IGF2R: variants seen among roughly 807,000 people sequenced by gnomAD.
IGF2R encodes cation-independent mannose-6-phosphate receptor.
IGF2R carries 91 observed loss-of-function variants against 270.6 expected under a neutral mutation model. That is an observed-to-expected ratio of 0.34 (90% CI 0.28 to 0.40). The LOEUF is 0.40. Ranked by LOEUF, IGF2R falls within the 10% of genes least tolerant of loss-of-function variation. IGF2R has a pLI of 1.00. For synonymous variants in IGF2R, 1,316 were observed against 1,258.9 expected (o/e 1.05, Z -0.96); for missense variants, 2,805 against 3,188.3 (o/e 0.88, Z 2.90).
At chr6:160,031,620 C>T (rs1016610747) in intron 7 of IGF2R, among the ~76,000 whole-genome samples, 2 of 152,154 alleles carry the variant, frequency 1.3e-5, no homozygotes, top group Non-Finnish European at 2.9e-5. Flanking sequence ...CTGGGGTCTG[C>T]ATCACCATGT....
chr6:160,096,436 C>G lies in IGF2R; in HGVS notation c.6656-3C>G. On this transcript the variant is annotated splice_region_variant and splice_polypyrimidine_tract_variant and intron_variant, in intron 44 of 47. Coordinates refer to ENST00000356956, the MANE Select transcript of IGF2R (RefSeq NM_000876.4). ...TGCCATGTGTGCCCTTCCCGTTTGA[C>G]AGACGGCGATCTCGATGTCGTGTTT... The G allele has an allele frequency of 6.2e-7, 1 of 1,608,140 alleles. No individual in the cohort carries two copies. The highest frequency in any genetic ancestry group is 8.5e-7 in the Non-Finnish European group (1 of 1,176,172).
At chr6:160,008,374 C>T (rs1245751710) in intron 2 of IGF2R, among the ~76,000 whole-genome samples, 2 of 152,162 alleles carry the variant, frequency 1.3e-5, no homozygotes, top group African/African-American at 2.4e-5. Context: ...TCTCTGTGCT[C>T]TCTCTTCTAG....
At chr6:160,046,130 A>G (rs1343505777) in intron 14 of IGF2R, among the ~76,000 whole-genome samples, 2 of 152,230 alleles carry the variant, frequency 1.3e-5, no homozygotes, top group Admixed American at 6.5e-5. Context: ...ATTATGTTTG[A>G]AAAGGCTTTC....
chr6:160,030,649 T>C (rs1777674988), intron 7 of IGF2R, among the ~76,000 whole-genome samples: 1 of 151,286 alleles, frequency 6.6e-6, no homozygotes, highest in African/African-American at 2.4e-5. Flanking sequence ...CAGGCGGTAG[T>C]GGTTTTAGTG....
chr6:160,058,168 G>A, intron 21 of IGF2R, 44 bp downstream of exon 21: 2 of 1,308,668 alleles, frequency 1.5e-6, no homozygotes, highest in South Asian at 2.4e-5. Context: ...TGAAACAGGG[G>A]GAGAGTGCAT....
At position 160,084,498 on chromosome 6, in the gene IGF2R, C is replaced by T. The variant is rs115628958; in HGVS notation, c.6068+314C>T. ...TGTGTGTAGCTCAGGTTGTGGGAGGCGTGTGGGTTTTCTCGGGTCTTTGGC... is the reference window on the plus strand; with the variant it reads ...TGTGTGTAGCTCAGGTTGTGGGAGGTGTGTGGGTTTTCTCGGGTCTTTGGC... On this transcript the variant is annotated intron_variant, in intron 40 of 47. Coordinates refer to ENST00000356956, the MANE Select transcript of IGF2R (RefSeq NM_000876.4). This position sits in a 1 kb window ranked among gnomAD's most constrained non-coding sequence, Gnocchi z 4.6. Among the ~76,000 whole-genome samples the T allele has an allele frequency of 2.0e-5, 3 of 152,164 alleles. No homozygotes were observed. Among genetic ancestry groups the T allele is most frequent in the African/African-American group, 4.8e-5 (2 of 41,506 alleles).
intron 1 of IGF2R, 117 bp from the exon 2 acceptor site, chr6:159,991,067 A>G: frequency 2.0e-6 from 2 of 981,004 alleles, no homozygotes; most frequent in Non-Finnish European, 3.0e-6. Flanking sequence ...TTGGCTAAGG[A>G]AAGTGTATTT....
intron 1 of IGF2R, among the ~76,000 whole-genome samples, chr6:159,974,366 C>A (rs148455229): frequency 6.6e-6 from 1 of 152,166 alleles, no homozygotes; most frequent in Non-Finnish European, 1.5e-5. Context: ...CCTTTTACCC[C>A]TTAAAAATTG....
In IGF2R at chr6:160,073,310, C is replaced by A. The variant is rs758231164; in HGVS notation, c.4788C>A (p.Ser1596=). 13 of 1,614,242 alleles carry A rather than the reference C, an allele frequency of 8.1e-6. No homozygotes were observed. The highest frequency in any genetic ancestry group is 2.7e-5 in the African/African-American group (2 of 75,074). The part of the protein sequence containing the change: ...QVLQLVYKDG[S]PCPSKSGLSY... ...TGCAGCTGGTGTACAAGGATGGGTC[C>A]CCTTGTCCCTCCAAATCCGGCCTGA... The change falls in exon 34 of 48, where the codon TCC becomes TCA. Residue 1596 remains serine, a synonymous_variant. Transcript: ENST00000356956.
chr6:160,056,077 C>T (rs987280550), intron 19 of IGF2R, among the ~76,000 whole-genome samples: 7 of 152,308 alleles, frequency 4.6e-5, no homozygotes, highest in South Asian at 4.1e-4. Flanking sequence ...GTGAATCCTA[C>T]GTACCGTTGC....
At chr6:159,982,035 G>C (rs184527245) in intron 1 of IGF2R, among the ~76,000 whole-genome samples, 20 of 152,298 alleles carry the variant, frequency 1.3e-4, no homozygotes, top group Admixed American at 9.8e-4. Context: ...TCCTATATAA[G>C]CTCTGGCCAT....
At chr6:159,969,455 G>A (rs935920121) in intron 1 of IGF2R, 60 bp downstream of exon 1, 2 of 1,133,428 alleles carry the variant, frequency 1.8e-6, no homozygotes. Flanking sequence ...CGGCCGGCGT[G>A]GGGGGCGGGG....
intron 1 of IGF2R, among the ~76,000 whole-genome samples, chr6:159,985,361 A>G (rs1032413697): frequency 6.6e-6 from 1 of 152,236 alleles, no homozygotes; most frequent in Non-Finnish European, 1.5e-5. Flanking sequence ...TCTTCACTTT[A>G]TAATTCCGTG....
At chr6:160,042,325 T>G (rs1777962985) in intron 11 of IGF2R, among the ~76,000 whole-genome samples, 1 of 152,208 alleles carries the variant, frequency 6.6e-6, no homozygotes, top group South Asian at 2.1e-4. Context: ...CTTCTCCAAA[T>G]GTACTGTATC....
At chr6:160,066,978 C>T (rs751027343) in intron 29 of IGF2R, among the ~76,000 whole-genome samples, 58 of 152,322 alleles carry the variant, frequency 3.8e-4, no homozygotes, top group Non-Finnish European at 4.7e-4. Context: ...CCTTGTCACA[C>T]GTTTGGTTAG....
intron 44 of IGF2R, among the ~76,000 whole-genome samples, chr6:160,091,751 C>A (rs1443658300): frequency 6.6e-6 from 1 of 152,184 alleles, no homozygotes; most frequent in East Asian, 1.9e-4. Context: ...TTTCCCAGTG[C>A]TCGGTAAATC....
At chr6:160,064,017 T>C (rs1172422652) in intron 27 of IGF2R, among the ~76,000 whole-genome samples, 1 of 152,204 alleles carries the variant, frequency 6.6e-6, no homozygotes, top group Non-Finnish European at 1.5e-5. Flanking sequence ...GGCACGCTGT[T>C]GGTCATTCAT....
At chr6:160,086,878 T>C (rs1224085642) in intron 41 of IGF2R, among the ~76,000 whole-genome samples, 1 of 151,980 alleles carries the variant, frequency 6.6e-6, no homozygotes, top group Non-Finnish European at 1.5e-5. Context: ...GAAGGATCTG[T>C]GTGTGTGTGG....
intron 13 of IGF2R, 97 bp downstream of exon 13, chr6:160,044,754 C>A: frequency 1.1e-6 from 1 of 944,606 alleles, no homozygotes; most frequent in South Asian, 1.7e-5. Flanking sequence ...CAAAGCTGAT[C>A]AGACAGATTG....
Sources: gnomAD v4.1 joint callset for allele counts (sites outside exome capture counted in the v4.1 genomes callset) on GRCh38, gnomAD v4.1.1 for gene constraint, Gnocchi (gnomAD v3.1) non-coding constraint, MANE v1.5 for transcripts, NCBI Gene and HGNC (gene_info 2026-07-23, HGNC 2026-07-21) for gene names.